Variants in SORCS2 observed in about 807,000 individuals in gnomAD.
SORCS2 encodes the protein sortilin related VPS10 domain containing receptor 2.
A neutral mutation model predicts 141.6 loss-of-function variants in SORCS2; 100 were observed. That is an observed-to-expected ratio of 0.71 (90% CI 0.60 to 0.83). SORCS2 has a LOEUF of 0.83. Ranked by LOEUF, SORCS2 falls within the 40% of genes least tolerant of loss-of-function variation. The pLI is 0.00. For synonymous variants in SORCS2, 789 were observed against 676.9 expected, an observed-to-expected ratio of 1.17 and a Z score of -2.57; for missense variants, 1,646 against 1,560.2, an observed-to-expected ratio of 1.05 and a Z score of -0.93.
chr4:7,666,946 G>T (rs1301602269), intron 7 of SORCS2, among the ~76,000 whole-genome samples, 178 bp from the exon 8 acceptor site: 1 of 152,002 alleles, frequency 6.6e-6, no homozygotes, highest in African/African-American at 2.4e-5. Flanking sequence ...CCAGAGGAGG[G>T]GTGTTAATTT....
In SORCS2 at chr4:7,470,447, A is replaced by G. The variant is rs555609100; in HGVS notation, c.549-61083A>G. 2.0e-5 allele frequency among the ~76,000 whole-genome samples: 3 copies of G among 152,254 alleles called. No individual in the cohort carries two copies. The East Asian group carries it at 5.8e-4, about 29-fold the overall frequency. On this transcript the variant is annotated intron_variant, in intron 2 of 26. Coordinates refer to ENST00000507866, the MANE Select transcript of SORCS2 (RefSeq NM_020777.3). ...CTCCCATTATTTCACTCATCCATTCATCCAGGTGGGATAGGGATGGACAGC... is the reference window on the plus strand; with the variant it reads ...CTCCCATTATTTCACTCATCCATTCGTCCAGGTGGGATAGGGATGGACAGC...
intron 3 of SORCS2, among the ~76,000 whole-genome samples, chr4:7,623,044 C>T (rs145810965): frequency 2.0e-4 from 31 of 152,156 alleles, no homozygotes; most frequent in African/African-American, 7.5e-4. Context: ...AGATGAAGGA[C>T]AGAAGACGGT....
chr4:7,266,969 T>TG (rs899586965), intron 1 of SORCS2, among the ~76,000 whole-genome samples: 5 of 120,752 alleles, frequency 4.1e-5, no homozygotes, highest in South Asian at 5.7e-4. Flanking sequence ...GAAGAATCAG[T>TG]GGGGGGTGGG....
At chr4:7,471,233 C>T (rs930243501) in intron 2 of SORCS2, among the ~76,000 whole-genome samples, 2 of 152,262 alleles carry the variant, frequency 1.3e-5, no homozygotes, top group Non-Finnish European at 2.9e-5. Flanking sequence ...CCCCGCTCCG[C>T]TCAGCTCCTG....
At chr4:7,307,771 G>A (rs900775089) in intron 1 of SORCS2, among the ~76,000 whole-genome samples, 1 of 152,176 alleles carries the variant, frequency 6.6e-6, no homozygotes. Flanking sequence ...GTGTGCCCAT[G>A]AGTTTGTGCA....
intron 11 of SORCS2, among the ~76,000 whole-genome samples, chr4:7,695,548 A>ATGGG (rs1724578087): frequency 7.2e-4 from 4 of 5,594 alleles, no homozygotes; most frequent in African/African-American, 3.0e-3. Context: ...GGGTGGATGG[A>ATGGG]TGGATGGATG....
intron 1 of SORCS2, among the ~76,000 whole-genome samples, chr4:7,259,900 C>T (rs529347971): frequency 6.6e-6 from 1 of 152,342 alleles, no homozygotes; most frequent in Admixed American, 6.5e-5. Context: ...CCTGTGTGTT[C>T]ACCATTGGGC....
intron 17 of SORCS2, among the ~76,000 whole-genome samples, chr4:7,716,241 C>G (rs1726177334): frequency 6.6e-6 from 1 of 152,224 alleles, no homozygotes; most frequent in Admixed American, 6.5e-5. Flanking sequence ...ATTACTTCCC[C>G]TGAGGGAACT....
chr4:7,537,486 C>T (rs1712225402), intron 3 of SORCS2, among the ~76,000 whole-genome samples: 1 of 152,182 alleles, frequency 6.6e-6, no homozygotes, highest in Admixed American at 6.5e-5. Flanking sequence ...GGGTGAGACC[C>T]TACTAGGTGC....
At chr4:7,736,778 C>G (rs1307880406) in intron 25 of SORCS2, among the ~76,000 whole-genome samples, 1 of 152,158 alleles carries the variant, frequency 6.6e-6, no homozygotes, top group Non-Finnish European at 1.5e-5. Flanking sequence ...CACCACATGC[C>G]CACGCTTCGA....
At chr4:7,296,336 A>G (rs535340710) in intron 1 of SORCS2, among the ~76,000 whole-genome samples, 80 of 152,328 alleles carry the variant, frequency 5.3e-4, no homozygotes, top group African/African-American at 1.7e-3. Flanking sequence ...AGCTCGTGTT[A>G]GCGGGCAGGC....
chr4:7,724,883 G>GTGA (rs1560114942), intron 19 of SORCS2, among the ~76,000 whole-genome samples: 4,656 of 74,538 alleles, frequency 0.062, 545 homozygotes, highest in South Asian at 0.075. Context: ...GGTGATGGTG[G>GTGA]TGGTGTTGGT....
chr4:7,310,069 T>C (rs1335107002), intron 1 of SORCS2, among the ~76,000 whole-genome samples: 1 of 152,134 alleles, frequency 6.6e-6, no homozygotes, highest in Non-Finnish European at 1.5e-5. Flanking sequence ...TTGGGGAATT[T>C]GGAACTGGGG....
At chr4:7,388,347 G>A (rs1360876241) in intron 1 of SORCS2, among the ~76,000 whole-genome samples, 1 of 152,224 alleles carries the variant, frequency 6.6e-6, no homozygotes, top group African/African-American at 2.4e-5. Context: ...GTCCTGGGTG[G>A]TTTTGGCCAG....
chr4:7,600,209 A>G (rs1717565589), intron 3 of SORCS2, among the ~76,000 whole-genome samples: 1 of 152,204 alleles, frequency 6.6e-6, no homozygotes, highest in Admixed American at 6.5e-5. Flanking sequence ...CAAAGGTGGA[A>G]CCAGCTGCTG....
intron 1 of SORCS2, among the ~76,000 whole-genome samples, chr4:7,278,950 C>A (rs1176995275): frequency 6.6e-6 from 1 of 152,206 alleles, no homozygotes; most frequent in Non-Finnish European, 1.5e-5. Context: ...CCCCACAGGG[C>A]TGGCCACAGT....
intron 2 of SORCS2, among the ~76,000 whole-genome samples, chr4:7,429,724 G>A (rs750715954): frequency 1.3e-5 from 2 of 152,240 alleles, no homozygotes; most frequent in Non-Finnish European, 2.9e-5. Flanking sequence ...CCACAGAGTG[G>A]TGGGGTCAGG....
At chr4:7,221,338 C>A (rs886236241) in intron 1 of SORCS2, among the ~76,000 whole-genome samples, 1 of 152,196 alleles carries the variant, frequency 6.6e-6, no homozygotes, top group African/African-American at 2.4e-5. Context: ...ACGGGTGGAC[C>A]CAGTGTCTGT....
At chr4:7,551,925 G>C (rs1327730484) in intron 3 of SORCS2, among the ~76,000 whole-genome samples, 1 of 152,170 alleles carries the variant, frequency 6.6e-6, no homozygotes, top group Non-Finnish European at 1.5e-5. Context: ...TAATTACATG[G>C]GTAATTGTGT....
Sources: gnomAD v4.1 joint callset for allele counts (sites outside exome capture counted in the v4.1 genomes callset) on GRCh38, gnomAD v4.1.1 for gene constraint, MANE v1.5 for transcripts, NCBI Gene and HGNC (gene_info 2026-07-23, HGNC 2026-07-21) for gene names.